IL2RB: variants seen among roughly 807,000 people sequenced by gnomAD.
IL2RB encodes interleukin-2 receptor subunit beta.
Under a neutral mutation model 44.2 loss-of-function variants are expected in IL2RB, and 17 were observed. That is an observed-to-expected ratio of 0.38 (90% CI 0.26 to 0.58). The LOEUF (loss-of-function observed/expected upper bound fraction) is 0.58. Ranked by LOEUF, IL2RB falls within the 20% of genes least tolerant of loss-of-function variation. The probability of loss-of-function intolerance (pLI) is 0.63; values close to 1 mark genes in which losing one functional copy is unlikely to be tolerated. For missense variants in IL2RB, 624 were observed against 685.5 expected (o/e 0.91, Z 1.00); for synonymous variants, 286 against 297.9 (o/e 0.96, Z 0.41).
Position 37,127,996 on chromosome 22 carries a change from C to CACTG in IL2RB, c.*96_*99dup, listed in dbSNP as rs2146222931. ...GTGGAGAAGTCCAGCTGCAACTGGA[C>CACTG]ACTGAGTGTCCTCAGCAGTGGACTG... On this transcript the variant is annotated 3_prime_UTR_variant, in exon 10 of 10. Transcript: ENST00000216223. 1.0e-6 allele frequency: 1 copy of CACTG among 991,318 alleles called. No individual in the cohort carries two copies. Among genetic ancestry groups the CACTG allele is most frequent in the African/African-American group, 1.7e-5 (1 of 58,790 alleles). 61.4% of individuals were successfully genotyped at this position (991,318 alleles called of 1,614,324 possible).
intron 1 of IL2RB, among the ~76,000 whole-genome samples, chr22:37,158,685 G>A (rs370611110): frequency 2.6e-5 from 4 of 152,218 alleles, no homozygotes; most frequent in East Asian, 1.9e-4. Context: ...ACATAAAGGC[G>A]GTAAGCCCTG....
intron 1 of IL2RB, among the ~76,000 whole-genome samples, chr22:37,173,362 A>C (rs1923351340): frequency 6.6e-6 from 1 of 152,096 alleles, no homozygotes; most frequent in African/African-American, 2.4e-5. Flanking sequence ...TTGGCTCACC[A>C]CACTGTCCCC....
chr22:37,145,842 C>T (rs1335922226), intron 1 of IL2RB, among the ~76,000 whole-genome samples: 3 of 152,068 alleles, frequency 2.0e-5, no homozygotes, highest in South Asian at 2.1e-4. Flanking sequence ...GCATTTCCCC[C>T]GCTGTTCCCC....
At chr22:37,132,161 A>G (rs558008068) in intron 9 of IL2RB, among the ~76,000 whole-genome samples, 1 of 152,286 alleles carries the variant, frequency 6.6e-6, no homozygotes, top group East Asian at 1.9e-4. Context: ...CTATAGGCCC[A>G]AGGTCACACA....
At chr22:37,137,547 G>A (rs773707305) in intron 6 of IL2RB, 40 bp downstream of exon 6, 3 of 1,609,020 alleles carry the variant, frequency 1.9e-6, no homozygotes, top group Middle Eastern at 1.7e-4. Flanking sequence ...AGGACAGGAA[G>A]GAGGAACCAA....
At chr22:37,132,522 G>A (rs974680997) in intron 8 of IL2RB, 54 bp from the exon 9 acceptor site, 2 of 1,378,696 alleles carry the variant, frequency 1.5e-6, no homozygotes, top group African/African-American at 1.4e-5. Flanking sequence ...GGACCGCGGT[G>A]TTATGCCATC....
intron 1 of IL2RB, among the ~76,000 whole-genome samples, chr22:37,147,816 C>A (rs968410620): frequency 3.9e-5 from 6 of 152,232 alleles, no homozygotes; most frequent in African/African-American, 1.4e-4. Context: ...AGGGTGGGGG[C>A]TGCTCACCTC....
chr22:37,126,920 G>A lies in IL2RB; in HGVS notation c.*1176C>T, dbSNP rs1246663009. ...ATTAATTCGTTCATCCAGGGTATAC[G>A]ACGGGGTGTTGGGCACTGTGTCTGG... On this transcript the variant is annotated 3_prime_UTR_variant, in exon 10 of 10. Transcript: ENST00000216223. The A allele has an allele frequency of 2.6e-5, 4 of 152,244 alleles. No homozygotes were observed. Among genetic ancestry groups the A allele is most frequent in the African/African-American group, 9.7e-5 (4 of 41,414 alleles). The allele number at this position is 152,244 out of a possible 1,614,324, so 9.4% of individuals were successfully genotyped here.
Position 37,136,255 on chromosome 22 carries a change from G to C in IL2RB, c.676C>G (p.Pro226Ala). 6.2e-7 allele frequency: 1 copy of C among 1,611,936 alleles called. No homozygotes were observed. The highest frequency in any genetic ancestry group is 8.5e-7 in the Non-Finnish European group (1 of 1,179,602). Residue 226 changes from proline (P) to alanine (A), a missense_variant, in exon 7 of 10, where the codon CCC becomes GCC. This residue lies in a region of IL2RB where 255 missense variants were observed against 339.9 expected (regional missense o/e 0.75). Coordinates refer to ENST00000216223, the MANE Select transcript of IL2RB (RefSeq NM_000878.5). ...GCAGGCTTTGTCCTGAAGGCCAGGG[G>C]CTGGCTCCAGGGGCTCCAGGTCGTG... ...EFTTWSPWSQ[P>A]LAFRTKPAAL...
chr22:37,160,830 C>T (rs945374587), intron 1 of IL2RB, among the ~76,000 whole-genome samples: 2 of 151,464 alleles, frequency 1.3e-5, no homozygotes, highest in African/African-American at 2.4e-5. Flanking sequence ...GGTGACAGAG[C>T]GAGACTCAGT....
chr22:37,150,253 C>T (rs1007172648), upstream of IL2RB, among the ~76,000 whole-genome samples: 15 of 152,080 alleles, frequency 9.9e-5, no homozygotes, highest in African/African-American at 3.6e-4. Flanking sequence ...ACCTCTGACG[C>T]CTCCATCCGG....
At chr22:37,146,457 G>A (rs1293970104) in intron 1 of IL2RB, among the ~76,000 whole-genome samples, 1 of 152,150 alleles carries the variant, frequency 6.6e-6, no homozygotes, top group Non-Finnish European at 1.5e-5. Flanking sequence ...CTACCTGCCT[G>A]CACAAGCCAG....
chr22:37,160,677 GCC>G (rs1922827195), intron 1 of IL2RB, among the ~76,000 whole-genome samples: 1 of 60,814 alleles, frequency 1.6e-5, no homozygotes, highest in South Asian at 5.9e-4. Context: ...CCCTGTCTAT[GCC>G]AAAAAAAAAA....
chr22:37,135,270 A>C (rs1921627585), intron 8 of IL2RB, 58 bp downstream of exon 8: 1 of 1,100,058 alleles, frequency 9.1e-7, no homozygotes, highest in Non-Finnish European at 1.4e-6. Context: ...ATGTGTGTGC[A>C]TGTGTGTGCA....
chr22:37,171,850 C>A (rs1349183817), intron 1 of IL2RB, among the ~76,000 whole-genome samples: 3 of 152,218 alleles, frequency 2.0e-5, no homozygotes, highest in Non-Finnish European at 4.4e-5. Flanking sequence ...AAAACTCCTA[C>A]ACAGCCTTCA....
intron 1 of IL2RB, among the ~76,000 whole-genome samples, chr22:37,158,381 C>T (rs2146260693): frequency 6.6e-6 from 1 of 152,142 alleles, no homozygotes; most frequent in South Asian, 2.1e-4. Flanking sequence ...AACCACGTCT[C>T]TACCAAAAAT....
chr22:37,173,259 A>G (rs571674553), intron 1 of IL2RB, among the ~76,000 whole-genome samples: 1 of 152,150 alleles, frequency 6.6e-6, no homozygotes, highest in South Asian at 2.1e-4. Flanking sequence ...CCTTGCCAGC[A>G]CTTACCCCAC....
intron 8 of IL2RB, among the ~76,000 whole-genome samples, chr22:37,134,870 G>C (rs568855838): frequency 2.0e-5 from 3 of 152,334 alleles, no homozygotes; most frequent in African/African-American, 7.2e-5. Context: ...AGCTCTTTGA[G>C]CTGTACCTGG....
intron 2 of IL2RB, 148 bp downstream of exon 2, chr22:37,143,937 A>C: frequency 1.0e-6 from 1 of 953,242 alleles, no homozygotes; most frequent in Non-Finnish European, 1.6e-6. Context: ...TCATGCATGC[A>C]TGCCAGGGCA....
Sources: allele counts gnomAD v4.1 joint callset (sites outside exome capture counted in the v4.1 genomes callset), GRCh38; gene constraint gnomAD v4.1.1; regional missense constraint gnomAD v4.1.1; transcripts MANE v1.5; gene names NCBI Gene and HGNC (gene_info 2026-07-23, HGNC 2026-07-21).